The following MAPK4 variants were observed in gnomAD, a reference collection of about 807,000 sequenced individuals.
MAPK4 encodes the protein mitogen-activated protein kinase 4, also known as Erk3-related.
MAPK4 carries 22 observed loss-of-function variants against 47.7 expected under a neutral mutation model. The observed-to-expected ratio is 0.46, with a 90% confidence interval of 0.33 to 0.66. The LOEUF (loss-of-function observed/expected upper bound fraction) is 0.66, where lower values mean the gene tolerates loss of function less well. MAPK4 is among the 30% of genes least tolerant of loss of function. The probability of loss-of-function intolerance (pLI) is 0.02; values close to 1 mark genes in which losing one functional copy is unlikely to be tolerated. For synonymous variants in MAPK4, 390 were observed against 365.7 expected (o/e 1.07, Z -0.76); for missense variants, 736 against 831.7 (o/e 0.88, Z 1.42).
intron 1 of MAPK4, among the ~76,000 whole-genome samples, chr18:50,631,710 G>A (rs1441327741): frequency 6.6e-6 from 1 of 152,094 alleles, no homozygotes; most frequent in Admixed American, 6.6e-5. Flanking sequence ...TCCATGTGTG[G>A]CCCCCAGATG....
intron 1 of MAPK4, among the ~76,000 whole-genome samples, chr18:50,610,469 C>T (rs574545806): frequency 3.3e-5 from 5 of 152,322 alleles, no homozygotes; most frequent in South Asian, 4.1e-4. Flanking sequence ...CCAAGTTCAA[C>T]GCCAGGGTGA....
At chr18:50,674,144 C>T (rs1908124092) in intron 2 of MAPK4, among the ~76,000 whole-genome samples, 8 of 152,152 alleles carry the variant, frequency 5.3e-5, no homozygotes, top group Admixed American at 5.2e-4. Flanking sequence ...GTTTTCAGTC[C>T]TGGTGTAAAG....
intron 1 of MAPK4, among the ~76,000 whole-genome samples, chr18:50,630,846 A>G (rs2042823084): frequency 6.6e-6 from 1 of 152,156 alleles, no homozygotes; most frequent in African/African-American, 2.4e-5. Context: ...TGTTTTTCCC[A>G]GCTGGGAGCC....
intron 1 of MAPK4, among the ~76,000 whole-genome samples, chr18:50,609,566 A>G (rs534701508): frequency 2.4e-4 from 37 of 152,276 alleles, no homozygotes; most frequent in African/African-American, 8.4e-4. Context: ...CTACTTTGCC[A>G]CTATCGATTC....
chr18:50,626,350 A>AT (rs1361658671), intron 1 of MAPK4, among the ~76,000 whole-genome samples: 1 of 152,208 alleles, frequency 6.6e-6, no homozygotes, highest in Non-Finnish European at 1.5e-5. Flanking sequence ...GCTGTGGACC[A>AT]GATGGTCAGA....
chr18:50,701,003 G>A (rs920492505), intron 2 of MAPK4, among the ~76,000 whole-genome samples: 3 of 152,038 alleles, frequency 2.0e-5, no homozygotes, highest in Non-Finnish European at 2.9e-5. Flanking sequence ...TGCCCTTCAC[G>A]TGTTCCCTCC....
intron 2 of MAPK4, among the ~76,000 whole-genome samples, chr18:50,670,406 G>A (rs563094513): frequency 5.3e-5 from 8 of 152,142 alleles, no homozygotes; most frequent in Admixed American, 3.9e-4. Flanking sequence ...TTCTTTCTTC[G>A]TTCAAGATCA....
chr18:50,569,332 G>A (rs528032026), intron 1 of MAPK4, among the ~76,000 whole-genome samples: 1 of 152,174 alleles, frequency 6.6e-6, no homozygotes, highest in South Asian at 2.1e-4. Context: ...TATAATTAGT[G>A]ATATTTAAAA....
chr18:50,626,734 C>A (rs1159406464), intron 1 of MAPK4, among the ~76,000 whole-genome samples: 2 of 152,198 alleles, frequency 1.3e-5, no homozygotes, highest in African/African-American at 4.8e-5. Flanking sequence ...AGCAGATGTG[C>A]TTCATCCAAA....
Position 50,664,330 on chromosome 18 carries a change from G to A in MAPK4, c.372G>A (p.Glu124=). 1 of 1,613,802 alleles carries A rather than the reference G, an allele frequency of 6.2e-7. No homozygotes were observed. Among genetic ancestry groups the A allele is most frequent in the East Asian group, 2.2e-5 (1 of 44,868 alleles). Residue 124 remains glutamate (E), a synonymous_variant, in exon 2 of 6, where the codon GAG becomes GAA. Transcript: ENST00000400384. This position sits in a 1 kb window ranked among gnomAD's most constrained non-coding sequence, Gnocchi z 6.0. ...TGGAGCAGGGCACGCTGGCAGAAGA[G>A]CATGCCAAGCTGTTCATGTACCAGC... is the stretch of plus-strand genomic sequence containing the variant. The part of the protein sequence containing the change: ...RLLEQGTLAE[E]HAKLFMYQLL...
chr18:50,668,103 A>G (rs1907707010), intron 2 of MAPK4, among the ~76,000 whole-genome samples: 3 of 152,244 alleles, frequency 2.0e-5, no homozygotes, highest in East Asian at 1.9e-4. Flanking sequence ...GGTTAGGTTC[A>G]TGTAACACTT....
At chr18:50,614,547 A>G (rs1459088229) in intron 1 of MAPK4, among the ~76,000 whole-genome samples, 1 of 152,208 alleles carries the variant, frequency 6.6e-6, no homozygotes, top group Non-Finnish European at 1.5e-5. Context: ...CTTTTCAAGT[A>G]TATGTAGTTG....
chr18:50,612,101 C>T (rs1356501453), intron 1 of MAPK4, among the ~76,000 whole-genome samples: 1 of 152,192 alleles, frequency 6.6e-6, no homozygotes. Flanking sequence ...TTCACCCTCC[C>T]ATTCTGACCT....
At chr18:50,672,131 T>C (rs1296559852) in intron 2 of MAPK4, among the ~76,000 whole-genome samples, 1 of 152,126 alleles carries the variant, frequency 6.6e-6, no homozygotes, top group Non-Finnish European at 1.5e-5. Flanking sequence ...GTCTCCATAG[T>C]GCAGATGGCA....
intron 1 of MAPK4, among the ~76,000 whole-genome samples, chr18:50,630,805 C>G (rs1292015859): frequency 6.6e-6 from 1 of 152,222 alleles, no homozygotes; most frequent in Non-Finnish European, 1.5e-5. Context: ...TACACAGAAC[C>G]AGCCTCTCTC....
Position 50,664,249 on chromosome 18 carries a change from G to T in MAPK4, c.291G>T (p.Lys97Asn), listed in dbSNP as rs1299763767. Residue 97 changes from lysine (K) to asparagine (N), a missense_variant, in exon 2 of 6, where the codon AAG (lysine) becomes AAT (asparagine). Physicochemically the swap from Lys to Asn is moderately conservative, Grantham distance 94. Around this residue, in one of 3 missense-constraint regions of MAPK4, gnomAD observed 327 missense variants for 395.4 expected, o/e 0.83. Coordinates refer to ENST00000400384, the MANE Select transcript of MAPK4 (RefSeq NM_002747.4). The surrounding 1 kb of genome is among the most constrained non-coding windows in gnomAD (Gnocchi z 6.0). ...CTGACCTGCAGGGTGAGCTGTTCAA[G>T]TTCAGCGTGGCGTACATCGTCCAGG... ...KGTDLQGELF[K>N]FSVAYIVQEY... 1 of 1,613,970 alleles carries T rather than the reference G, an allele frequency of 6.2e-7. No homozygotes were observed. The highest frequency in any genetic ancestry group is 1.1e-5 in the South Asian group (1 of 91,084).
At chr18:50,694,505 A>G (rs1414125291) in intron 2 of MAPK4, among the ~76,000 whole-genome samples, 2 of 152,176 alleles carry the variant, frequency 1.3e-5, no homozygotes, top group Non-Finnish European at 2.9e-5. Flanking sequence ...GCCCTATGTT[A>G]AGCTATTTAC....
intron 1 of MAPK4, among the ~76,000 whole-genome samples, chr18:50,598,129 C>G (rs2042501297): frequency 6.6e-6 from 1 of 152,208 alleles, no homozygotes; most frequent in South Asian, 2.1e-4. Flanking sequence ...TTCTTCCCAG[C>G]TAAAACCTCC....
intron 2 of MAPK4, among the ~76,000 whole-genome samples, chr18:50,694,081 A>C (rs1909376572): frequency 6.6e-6 from 1 of 152,348 alleles, no homozygotes; most frequent in African/African-American, 2.4e-5. Flanking sequence ...GGGAAAATCA[A>C]AAAGGTCCTA....
Sources: gnomAD v4.1 joint callset for allele counts (sites outside exome capture counted in the v4.1 genomes callset) on GRCh38, gnomAD v4.1.1 for gene constraint, gnomAD v4.1.1 regional missense constraint, Gnocchi (gnomAD v3.1) non-coding constraint, MANE v1.5 for transcripts, NCBI Gene and HGNC (gene_info 2026-07-23, HGNC 2026-07-21) for gene names.